LZTS1: variants seen among roughly 807,000 people sequenced by gnomAD.
LZTS1 encodes leucine zipper putative tumor suppressor 1.
Under a neutral mutation model 45.8 loss-of-function variants are expected in LZTS1, and 31 were observed. That is an observed-to-expected ratio of 0.68 (90% CI 0.51 to 0.91). The LOEUF is 0.91. LZTS1 is among the 40% of genes least tolerant of loss of function. LZTS1 has a pLI of 0.00. For synonymous variants in LZTS1, 359 were observed against 357.3 expected (o/e 1.00, Z -0.05); for missense variants, 821 against 788.9 (o/e 1.04, Z -0.49).
At chr8:20,255,756 G>A (rs1042384770) in intron 1 of LZTS1, among the ~76,000 whole-genome samples, 43 of 152,136 alleles carry the variant, frequency 2.8e-4, no homozygotes, top group African/African-American at 9.9e-4. Context: ...CTTTTGTTAG[G>A]GTAGCATTTT....
At position 20,277,373 on chromosome 8, in the gene LZTS1, G is replaced by C. The variant is rs572850736; in HGVS notation, c.-134-22058C>G. Among the ~76,000 whole-genome samples the C allele has an allele frequency of 5.3e-5, 8 of 152,158 alleles. No individual in the cohort carries two copies. In the South Asian group the frequency reaches 8.3e-4, roughly 16 times the overall value. ...CATGAATAATACACCCCTTTTTTTA[G>C]CATATAATCAAGAAATAACTATAAG... On this transcript the variant is annotated intron_variant, in intron 1 of 3. Coordinates refer to ENST00000381569, the MANE Select transcript of LZTS1 (RefSeq NM_021020.5).
chr8:20,257,496 G>A (rs1247144564), intron 1 of LZTS1, among the ~76,000 whole-genome samples: 15 of 152,152 alleles, frequency 9.9e-5, no homozygotes, highest in Non-Finnish European at 5.9e-5. Flanking sequence ...GCCTCATTGA[G>A]AAGATTCAAG....
intron 1 of LZTS1, among the ~76,000 whole-genome samples, chr8:20,257,032 A>T (rs1483825453): frequency 6.6e-6 from 1 of 152,164 alleles, no homozygotes; most frequent in Admixed American, 6.5e-5. Flanking sequence ...TAAGAAAGCC[A>T]AGTCAAGAAA....
At chr8:20,282,939 C>T (rs1358848402) in intron 1 of LZTS1, among the ~76,000 whole-genome samples, 1 of 152,114 alleles carries the variant, frequency 6.6e-6, no homozygotes, top group Non-Finnish European at 1.5e-5. Flanking sequence ...CTGGATATTT[C>T]AAGAATAGAA....
At chr8:20,282,301 T>A (rs983681857) in intron 1 of LZTS1, among the ~76,000 whole-genome samples, 2 of 152,212 alleles carry the variant, frequency 1.3e-5, no homozygotes, top group African/African-American at 2.4e-5. Flanking sequence ...TGGGAAAGGC[T>A]TGCCTCTGAG....
chr8:20,254,810 T>A (rs747732814), intron 2 of LZTS1, 27 bp downstream of exon 2: 1 of 1,573,362 alleles, frequency 6.4e-7, no homozygotes, highest in Non-Finnish European at 8.6e-7. Flanking sequence ...TCCAACCCAC[T>A]TACCCTTGCC....
intron 1 of LZTS1, among the ~76,000 whole-genome samples, chr8:20,273,109 C>G (rs529651089): frequency 6.6e-6 from 1 of 152,276 alleles, no homozygotes; most frequent in Admixed American, 6.5e-5. Context: ...GTTGCTAAAT[C>G]CAATGGACCT....
intron 1 of LZTS1, among the ~76,000 whole-genome samples, chr8:20,284,747 A>C (rs952922503): frequency 5.9e-5 from 9 of 152,126 alleles, no homozygotes; most frequent in African/African-American, 2.2e-4. Context: ...ACAACCCCCA[A>C]GGCAGCCGGC....
chr8:20,281,572 A>C (rs75501281), intron 1 of LZTS1, among the ~76,000 whole-genome samples: 1 of 149,660 alleles, frequency 6.7e-6, no homozygotes, highest in Non-Finnish European at 1.5e-5. Flanking sequence ...ACTCTGTCTC[A>C]AAAAAAAAAG....
intron 1 of LZTS1, among the ~76,000 whole-genome samples, chr8:20,297,022 G>A (rs896677900): frequency 5.3e-5 from 8 of 151,882 alleles, no homozygotes; most frequent in Admixed American, 2.0e-4. Flanking sequence ...GCCTCCCTTC[G>A]CTCCCCTCCT....
chr8:20,260,199 G>C (rs1800196842), intron 1 of LZTS1, among the ~76,000 whole-genome samples: 3 of 152,094 alleles, frequency 2.0e-5, no homozygotes, highest in South Asian at 4.1e-4. Context: ...ACCACACCCA[G>C]TCATATCTTA....
At chr8:20,273,461 C>A (rs1025220833) in intron 1 of LZTS1, among the ~76,000 whole-genome samples, 1 of 152,174 alleles carries the variant, frequency 6.6e-6, no homozygotes, top group African/African-American at 2.4e-5. Context: ...ATCTCACCCT[C>A]GCACATCCAC....
chr8:20,298,650 G>GC (rs1352160793), intron 1 of LZTS1, among the ~76,000 whole-genome samples: 1 of 152,102 alleles, frequency 6.6e-6, no homozygotes, highest in Non-Finnish European at 1.5e-5. Context: ...ATCACTTGAG[G>GC]CCAGGGGTTC....
At position 20,246,439 on chromosome 8, in the gene LZTS1, G is replaced by A. The variant is rs1799730902; in HGVS notation, c.*3283C>T. ...GTGGGTGAGCAGCCCCGCTGGCCCA[G>A]GGGTGCAGCCTCTGTCATGGCAGCA... On this transcript the variant is annotated 3_prime_UTR_variant, in exon 4 of 4. Transcript: ENST00000381569. 6.6e-6 allele frequency: 1 copy of A among 152,280 alleles called. No individual in the cohort carries two copies. Among genetic ancestry groups the A allele is most frequent in the Admixed American group, 6.5e-5 (1 of 15,288 alleles). 9.4% of individuals were successfully genotyped at this position (152,280 alleles called of 1,614,324 possible). A position where few individuals can be genotyped will look rare whatever the true frequency, so the allele number is the denominator to read the frequency against.
rs748533368 is a variant in LZTS1 at position 20,250,229 on chromosome 8, G to A, written c.1284C>T (p.Gly428=). The A allele has an allele frequency of 5.0e-6, 8 of 1,613,150 alleles. No homozygotes were observed. In the Admixed American group the frequency reaches 1.2e-4, roughly 24 times the overall value. Residue 428 remains glycine (G), a synonymous_variant, in exon 4 of 4, where the codon GGC becomes GGT. Transcript: ENST00000381569. ...CCAGGTCCTGGGTCCTCAGCTCCAG[G>A]CCCTCCAGCTTGCCCCGCGTGTCCT... ...QLKDTRGKLE[G]LELRTQDLEG...
intron 1 of LZTS1, among the ~76,000 whole-genome samples, chr8:20,298,950 G>A (rs1801022559): frequency 6.6e-6 from 1 of 152,154 alleles, no homozygotes; most frequent in Non-Finnish European, 1.5e-5. Flanking sequence ...TTGCCAAATG[G>A]CAAAAGGAGC....
chr8:20,266,204 G>A (rs2128895192), intron 1 of LZTS1, among the ~76,000 whole-genome samples: 1 of 152,100 alleles, frequency 6.6e-6, no homozygotes, highest in Non-Finnish European at 1.5e-5. Flanking sequence ...TAAATTTTGT[G>A]CAGAGACAGG....
At chr8:20,301,260 A>G (rs929602113) in intron 1 of LZTS1, among the ~76,000 whole-genome samples, 2 of 152,228 alleles carry the variant, frequency 1.3e-5, no homozygotes, top group Admixed American at 6.5e-5. Flanking sequence ...GCCAGGGTCC[A>G]GAACCTTACT....
chr8:20,259,332 A>G (rs1340913172), intron 1 of LZTS1, among the ~76,000 whole-genome samples: 1 of 152,214 alleles, frequency 6.6e-6, no homozygotes, highest in Non-Finnish European at 1.5e-5. Context: ...TGTGTGCACG[A>G]TATGTGTTGC....
Sources: allele counts gnomAD v4.1 joint callset (sites outside exome capture counted in the v4.1 genomes callset), GRCh38; gene constraint gnomAD v4.1.1; transcripts MANE v1.5; gene names NCBI Gene and HGNC (gene_info 2026-07-23, HGNC 2026-07-21).